The following C12orf42 variants were observed in gnomAD, a reference collection of about 807,000 sequenced individuals.
C12orf42 encodes the protein uncharacterized protein C12orf42.
A neutral mutation model predicts 21.6 loss-of-function variants in C12orf42; 25 were observed. The ratio of observed to expected loss-of-function variants is 1.16; its 90% CI spans 0.84 to 1.62. The LOEUF is 1.62. Ranked by LOEUF, C12orf42 falls within the 40% of genes most tolerant of loss-of-function variation. C12orf42 has a pLI of 0.00. For synonymous variants in C12orf42, 174 were observed against 175.0 expected (o/e 0.99, Z 0.05); for missense variants, 483 against 459.3 (o/e 1.05, Z -0.47).
the C12orf42 span, among the ~76,000 whole-genome samples, chr12:103,527,524 G>A: frequency 1.3e-5 from 2 of 152,252 alleles, no homozygotes; most frequent in East Asian, 3.9e-4. Flanking sequence ...ACATATTGTT[G>A]ATGAGCTAAT....
chr12:103,487,910 A>G (rs895760854), intron 1 of C12orf42, among the ~76,000 whole-genome samples: 2 of 151,990 alleles, frequency 1.3e-5, no homozygotes, highest in African/African-American at 4.8e-5. Flanking sequence ...TCTTTATCCA[A>G]TTTGCCAGTC....
chr12:103,485,962 A>C (rs1435912006), intron 1 of C12orf42, among the ~76,000 whole-genome samples: 1 of 152,098 alleles, frequency 6.6e-6, no homozygotes, highest in Non-Finnish European at 1.5e-5. Flanking sequence ...CATACCCTTT[A>C]TTTCTTTCTC....
intron 4 of C12orf42, among the ~76,000 whole-genome samples, chr12:103,336,488 AG>A (rs1467933872): frequency 2.0e-5 from 3 of 152,210 alleles, no homozygotes; most frequent in African/African-American, 7.2e-5. Flanking sequence ...AAGAGTGAGG[AG>A]AGAGGAAAAA....
intron 4 of C12orf42, among the ~76,000 whole-genome samples, chr12:103,291,501 G>A (rs2036821373): frequency 6.6e-6 from 1 of 152,168 alleles, no homozygotes; most frequent in Non-Finnish European, 1.5e-5. Flanking sequence ...TCCACAGACA[G>A]AGCAGGGCTA....
At chr12:103,187,090 G>T in the C12orf42 span, among the ~76,000 whole-genome samples, 518 of 152,148 alleles carry the variant, frequency 3.4e-3, 1 homozygote, top group African/African-American at 0.012. Flanking sequence ...TTTTTCTTAG[G>T]GTTAGCTCTG....
At chr12:103,393,967 T>C (rs781375288) in intron 3 of C12orf42, among the ~76,000 whole-genome samples, 2 of 152,220 alleles carry the variant, frequency 1.3e-5, no homozygotes, top group Non-Finnish European at 1.5e-5. Flanking sequence ...ATCATCCTCA[T>C]ATCATTTCCA....
intron 4 of C12orf42, among the ~76,000 whole-genome samples, chr12:103,322,139 A>G (rs1392207472): frequency 7.4e-5 from 11 of 148,258 alleles, no homozygotes; most frequent in Non-Finnish European, 1.0e-4. Context: ...ACACACACAC[A>G]CACACACACA....
chr12:103,493,994 G>A lies in C12orf42; in HGVS notation c.-22+1908C>T, dbSNP rs945880214. Among the ~76,000 whole-genome samples the A allele has an allele frequency of 3.9e-5, 6 of 152,150 alleles. No homozygotes were observed. The South Asian group carries it at 1.2e-3, about 32-fold the overall frequency. ...TAGTGTAAGAATTTACCAAAACGAA[G>A]GCTCAAAATGAGTTAGAAGTATTTG... On this transcript the variant is annotated intron_variant, in intron 1 of 5. Coordinates refer to ENST00000548883, the MANE Select transcript of C12orf42 (RefSeq NM_198521.5).
the C12orf42 span, among the ~76,000 whole-genome samples, chr12:103,070,209 C>T: frequency 2.0e-5 from 3 of 152,166 alleles, no homozygotes; most frequent in African/African-American, 7.2e-5. Flanking sequence ...CATTTCTCTG[C>T]ACCTCACTGC....
the C12orf42 span, among the ~76,000 whole-genome samples, chr12:103,521,272 C>T: frequency 6.6e-6 from 1 of 152,150 alleles, no homozygotes; most frequent in Non-Finnish European, 1.5e-5. Context: ...CTATTCACAG[C>T]AGCAAAGACA....
rs190672022 is a variant in C12orf42 at position 103,257,643 on chromosome 12, C to T, written c.*1366+5683G>A. ...GTGGAAAACACATAGTTAAGGGAAA[C>T]AGAAGGCAGAAAGGAACATTTCTTA... is the stretch of plus-strand genomic sequence containing the variant. On this transcript the variant is annotated intron_variant and NMD_transcript_variant, in intron 10 of 10. Transcript: ENST00000547347. Among the ~76,000 whole-genome samples, 11 of 151,812 alleles carry T rather than the reference C, an allele frequency of 7.2e-5. No homozygotes were observed. In the East Asian group the frequency reaches 1.7e-3, roughly 24 times the overall value.
Position 103,453,945 on chromosome 12 carries a change from G to C in C12orf42, c.78+24404C>G, listed in dbSNP as rs531763370. 3.3e-5 allele frequency among the ~76,000 whole-genome samples: 5 copies of C among 151,990 alleles called. No homozygotes were observed. In the South Asian group the frequency reaches 1.0e-3, roughly 31 times the overall value. Reference sequence around the variant, plus strand: ...AGAGGCAGGACAGACCCAATAAAAAGAGAGAAAACACCAATTTTAAACACC... The same window carrying C: ...AGAGGCAGGACAGACCCAATAAAAACAGAGAAAACACCAATTTTAAACACC... On this transcript the variant is annotated intron_variant, in intron 2 of 5. Coordinates refer to ENST00000548883, the MANE Select transcript of C12orf42 (RefSeq NM_198521.5).
chr12:103,305,989 G>C lies in C12orf42; in HGVS notation c.616C>G (p.Pro206Ala). 1 of 1,601,920 alleles carries C rather than the reference G, an allele frequency of 6.2e-7. No individual in the cohort carries two copies. The highest frequency in any genetic ancestry group is 8.5e-7 in the Non-Finnish European group (1 of 1,170,432). The change falls in exon 5 of 6, where the codon CCC becomes GCC. Residue 206 changes from proline (P) to alanine (A), a missense_variant. Pro to Ala is a conservative substitution (Grantham distance 27). Transcript: ENST00000548883. Reference protein sequence around the residue: ...TRPKGQPLSSPKKNSGSAARP... With the variant: ...TRPKGQPLSSAKKNSGSAARP... ...TGATACTTACCAGAATTTTTCTTGG[G>C]ACTGCTCAAGGGCTGGCCCTTAGGT...
chr12:103,187,276 G>A, the C12orf42 span, among the ~76,000 whole-genome samples: 2 of 152,102 alleles, frequency 1.3e-5, no homozygotes. Context: ...TCCTCATAAA[G>A]CTTCCATGGA....
chr12:103,305,074 A>G (rs2038132577), intron 5 of C12orf42, among the ~76,000 whole-genome samples: 1 of 152,220 alleles, frequency 6.6e-6, no homozygotes, highest in African/African-American at 2.4e-5. Context: ...AATAAAATAC[A>G]CTAACACTGA....
the C12orf42 span, among the ~76,000 whole-genome samples, chr12:103,529,729 G>A: frequency 2.0e-5 from 3 of 152,282 alleles, no homozygotes; most frequent in African/African-American, 7.2e-5. Flanking sequence ...ATTTCAACCT[G>A]CAATTTGCAA....
chr12:103,201,140 G>A, the C12orf42 span, among the ~76,000 whole-genome samples: 1 of 152,216 alleles, frequency 6.6e-6, no homozygotes, highest in Non-Finnish European at 1.5e-5. Flanking sequence ...ATGCCATCAG[G>A]CATTGTTATG....
At chr12:103,547,091 T>G in the C12orf42 span, among the ~76,000 whole-genome samples, 2 of 152,214 alleles carry the variant, frequency 1.3e-5, no homozygotes, top group African/African-American at 4.8e-5. Context: ...ATTAAATAAA[T>G]GTATGTATGC....
intron 2 of C12orf42, among the ~76,000 whole-genome samples, chr12:103,448,364 C>G (rs1951713052): frequency 6.6e-6 from 1 of 151,958 alleles, no homozygotes; most frequent in Non-Finnish European, 1.5e-5. Flanking sequence ...TGGAAAAATC[C>G]TTCTAGACAT....
Sources: gnomAD v4.1 joint callset for allele counts (sites outside exome capture counted in the v4.1 genomes callset) on GRCh38, gnomAD v4.1.1 for gene constraint, MANE v1.5 for transcripts, NCBI Gene and HGNC (gene_info 2026-07-23, HGNC 2026-07-21) for gene names.